The following TRDN variants were observed in gnomAD, a reference collection of about 807,000 sequenced individuals.
The protein encoded by TRDN is triadin.
A neutral mutation model predicts 149.7 loss-of-function variants in TRDN; 161 were observed. That is an observed-to-expected ratio of 1.08 (90% CI 0.95 to 1.23). The LOEUF is 1.23. TRDN is among the 50% of genes most tolerant of loss of function. The probability of loss-of-function intolerance (pLI) is 0.00; values close to 1 mark genes in which losing one functional copy is unlikely to be tolerated. For synonymous variants in TRDN, 294 were observed against 250.5 expected, an observed-to-expected ratio of 1.17 and a Z score of -1.64; for missense variants, 896 against 823.5, an observed-to-expected ratio of 1.09 and a Z score of -1.08.
chr6:123,546,897 C>T (rs557724037), intron 4 of TRDN, among the ~76,000 whole-genome samples: 21 of 152,082 alleles, frequency 1.4e-4, no homozygotes, highest in South Asian at 4.2e-4. Context: ...TGTCCCTCAC[C>T]GTCTTGTTGT....
chr6:123,537,549 T>G (rs193030453), intron 4 of TRDN, among the ~76,000 whole-genome samples: 5 of 152,320 alleles, frequency 3.3e-5, no homozygotes, highest in African/African-American at 1.2e-4. Context: ...AAGTGAAGAT[T>G]CACTTCATTA....
At chr6:123,282,846 A>G (rs1458689775) in intron 24 of TRDN, among the ~76,000 whole-genome samples, 1 of 151,912 alleles carries the variant, frequency 6.6e-6, no homozygotes, top group Non-Finnish European at 1.5e-5. Flanking sequence ...TTGTAAGTGT[A>G]ATATTATTTG....
At chr6:123,381,480 AC>A in intron 15 of TRDN, 90 bp from the exon 16 acceptor site, 2 of 1,242,152 alleles carry the variant, frequency 1.6e-6, no homozygotes, top group Non-Finnish European at 1.1e-6. Flanking sequence ...AATTTTTCCC[AC>A]CCCTCCTTCC....
chr6:123,301,104 A>C (rs1778380801), intron 24 of TRDN, among the ~76,000 whole-genome samples: 1 of 152,000 alleles, frequency 6.6e-6, no homozygotes, highest in Non-Finnish European at 1.5e-5. Context: ...CAGCATCTAC[A>C]TTTATTATCT....
intron 1 of TRDN, among the ~76,000 whole-genome samples, chr6:123,633,222 A>G (rs1408424944): frequency 6.6e-6 from 1 of 152,082 alleles, no homozygotes; most frequent in Non-Finnish European, 1.5e-5. Context: ...ATTGCAAGGA[A>G]GATAAAGGAC....
chr6:123,446,703 C>A (rs538801570), intron 10 of TRDN, among the ~76,000 whole-genome samples: 1 of 150,886 alleles, frequency 6.6e-6, no homozygotes, highest in African/African-American at 2.4e-5. Flanking sequence ...CTCCTAGAAT[C>A]TTTTTACTGG....
intron 34 of TRDN, among the ~76,000 whole-genome samples, 152 bp downstream of exon 34, chr6:123,260,460 C>T (rs1776723829): frequency 6.6e-6 from 1 of 151,452 alleles, no homozygotes; most frequent in African/African-American, 2.4e-5. Context: ...TATAACAAGC[C>T]TTTTGGGAAG....
chr6:123,634,709 T>A (rs992339371), intron 1 of TRDN, among the ~76,000 whole-genome samples: 20 of 151,906 alleles, frequency 1.3e-4, no homozygotes, highest in African/African-American at 4.8e-4. Context: ...TTCATTTGAG[T>A]TGGCAGTCTA....
At position 123,218,749 on chromosome 6, in the gene TRDN, C is replaced by G. The variant is rs1775031674; in HGVS notation, c.2051-9G>C. On this transcript the variant is annotated splice_polypyrimidine_tract_variant and intron_variant, in intron 40 of 40. Coordinates refer to ENST00000334268, the MANE Select transcript of TRDN (RefSeq NM_006073.4). ...GAAGAAACTGATGGGACCTAAGGAA[C>G]AGAGCATGACAGTTTGTTAAAACAT... is the stretch of plus-strand genomic sequence containing the variant. The G allele has an allele frequency of 5.1e-6, 8 of 1,556,870 alleles. No individual in the cohort carries two copies. In the South Asian group the frequency reaches 9.4e-5, roughly 18 times the overall value.
chr6:123,364,225 G>T (rs1333136180), intron 20 of TRDN, among the ~76,000 whole-genome samples: 1 of 152,110 alleles, frequency 6.6e-6, no homozygotes, highest in Non-Finnish European at 1.5e-5. Context: ...CAATATCCAG[G>T]CTCCCATTGA....
At chr6:123,585,823 G>T (rs1783451319) in intron 1 of TRDN, among the ~76,000 whole-genome samples, 1 of 152,106 alleles carries the variant, frequency 6.6e-6, no homozygotes, top group Admixed American at 6.6e-5. Flanking sequence ...AAGTTCTTGT[G>T]TGCTGGAGAT....
chr6:123,219,674 A>T (rs138559924), intron 40 of TRDN, among the ~76,000 whole-genome samples: 391 of 151,934 alleles, frequency 2.6e-3, no homozygotes, highest in African/African-American at 9.0e-3. Context: ...TTCAGGGATG[A>T]CAATAGTTTG....
intron 12 of TRDN, among the ~76,000 whole-genome samples, chr6:123,435,048 A>G (rs1483453937): frequency 1.3e-5 from 2 of 151,570 alleles, no homozygotes; most frequent in Non-Finnish European, 2.9e-5. Flanking sequence ...TAGGTTTGTC[A>G]TGTCGGCATA....
Position 123,581,556 on chromosome 6 carries a change from C to T in TRDN, c.23-10424G>A, listed in dbSNP as rs376040146. On this transcript the variant is annotated intron_variant, in intron 1 of 40. Coordinates refer to ENST00000334268, the MANE Select transcript of TRDN (RefSeq NM_006073.4). ...ATGTTAAATAACCTCAATATTTCTG[C>T]ATATAGAAGGTTATGCGGTATATAG... is the stretch of plus-strand genomic sequence containing the variant. 4.6e-5 allele frequency among the ~76,000 whole-genome samples: 7 copies of T among 152,146 alleles called. No homozygotes were observed. In the East Asian group the frequency reaches 1.2e-3, roughly 25 times the overall value.
At chr6:123,356,543 A>T (rs1368486705) in intron 20 of TRDN, among the ~76,000 whole-genome samples, 1 of 100,724 alleles carries the variant, frequency 9.9e-6, no homozygotes, top group Non-Finnish European at 2.1e-5. Flanking sequence ...ATATATATAT[A>T]TATATAGTTG....
intron 25 of TRDN, 76 bp downstream of exon 25, chr6:123,278,980 G>A: frequency 2.3e-6 from 3 of 1,297,218 alleles, no homozygotes; most frequent in Non-Finnish European, 3.2e-6. Flanking sequence ...ATAAATAACA[G>A]CATGCATTTA....
chr6:123,568,764 A>C (rs1782416161), intron 2 of TRDN, among the ~76,000 whole-genome samples: 1 of 152,198 alleles, frequency 6.6e-6, no homozygotes, highest in African/African-American at 2.4e-5. Context: ...TGACCCAGGA[A>C]ACCCTTCTTA....
chr6:123,445,273 CA>C (rs1157318824), intron 10 of TRDN: 3 of 151,750 alleles, frequency 2.0e-5, no homozygotes, highest in African/African-American at 4.9e-5. Flanking sequence ...GACCTAAAAC[CA>C]TAAAAACCCT....
chr6:123,350,174 A>C, intron 21 of TRDN: 1 of 969,994 alleles, frequency 1.0e-6, no homozygotes, highest in South Asian at 4.8e-5. Flanking sequence ...TTAATTACCT[A>C]AAAATATTTT....
Sources: gnomAD v4.1 joint callset for allele counts (sites outside exome capture counted in the v4.1 genomes callset) on GRCh38, gnomAD v4.1.1 for gene constraint, MANE v1.5 for transcripts, NCBI Gene and HGNC (gene_info 2026-07-23, HGNC 2026-07-21) for gene names.